The following DET1 variants were observed in gnomAD, a reference collection of about 807,000 sequenced individuals.
DET1 encodes DET1 partner of COP1 E3 ubiquitin ligase.
Under a neutral mutation model 43.7 loss-of-function variants are expected in DET1, and 22 were observed. The ratio of observed to expected loss-of-function variants is 0.50; its 90% CI spans 0.36 to 0.72. DET1 has a LOEUF of 0.72. Among genes scored for constraint, DET1 ranks in the 30% least tolerant of loss-of-function variants. The pLI, the probability that DET1 is intolerant of heterozygous loss-of-function variation, is 0.00. For synonymous variants in DET1, 315 were observed against 266.2 expected, an observed-to-expected ratio of 1.18 and a Z score of -1.79; for missense variants, 713 against 713.3, an observed-to-expected ratio of 1.00 and a Z score of 0.00.
intron 1 of DET1, chr15:88,536,311 C>G (rs377689630): frequency 1.3e-6 from 1 of 778,018 alleles, no homozygotes; most frequent in Non-Finnish European, 2.4e-6. Flanking sequence ...AAGTTGTTTA[C>G]CTTTTTAGTA....
At chr15:88,538,487 C>CA (rs1346817124) in intron 1 of DET1, among the ~76,000 whole-genome samples, 3 of 151,634 alleles carry the variant, frequency 2.0e-5, no homozygotes, top group Admixed American at 6.6e-5. Flanking sequence ...CTAGACCCCC[C>CA]CTCCCCTTCC....
chr15:88,521,345 G>T (rs913565329), intron 3 of DET1, among the ~76,000 whole-genome samples: 1 of 152,142 alleles, frequency 6.6e-6, no homozygotes, highest in African/African-American at 2.4e-5. Flanking sequence ...AGGAAAACTG[G>T]CAATCTCTTC....
chr15:88,511,583 G>C, downstream of DET1: 2 of 985,254 alleles, frequency 2.0e-6, no homozygotes, highest in East Asian at 1.1e-4. Flanking sequence ...TGTCTCCACT[G>C]TCCCTAGAGA....
At chr15:88,519,672 C>T (rs976954558) in intron 3 of DET1, among the ~76,000 whole-genome samples, 2 of 152,178 alleles carry the variant, frequency 1.3e-5, no homozygotes, top group South Asian at 2.1e-4. Context: ...TGCACACATC[C>T]TCAACAATCT....
intron 2 of DET1, among the ~76,000 whole-genome samples, chr15:88,529,948 G>A (rs988410395): frequency 1.3e-5 from 2 of 152,116 alleles, no homozygotes; most frequent in Non-Finnish European, 2.9e-5. Context: ...TGAAAGAAAG[G>A]CATTCTTCCC....
At chr15:88,541,729 G>C (rs1409669075) in intron 1 of DET1, among the ~76,000 whole-genome samples, 2 of 152,206 alleles carry the variant, frequency 1.3e-5, no homozygotes, top group Admixed American at 6.5e-5. Flanking sequence ...AGTTTGATTA[G>C]AAATCCTCCT....
At position 88,527,758 on chromosome 15, in the gene DET1, A is replaced by G; in HGVS notation, c.1112T>C (p.Val371Ala). 8 of 1,608,286 alleles carry G rather than the reference A, an allele frequency of 5.0e-6. No homozygotes were observed. The highest frequency in any genetic ancestry group is 5.1e-6 in the Non-Finnish European group (6 of 1,176,834). ...AAACACAGCAATCACCTCTGTCGTCACCATATTGTACACCACAAAGAAAGA... is the reference window on the plus strand; with the variant it reads ...AAACACAGCAATCACCTCTGTCGTCGCCATATTGTACACCACAAAGAAAGA... ...QASFFVVYNMVTTEVIAVFEN... is the reference protein window; with the variant it reads ...QASFFVVYNMATTEVIAVFEN... The change falls in exon 3 of 5, where the codon GTG (valine) becomes GCG (alanine). Residue 371 changes from valine to alanine, a missense_variant. By Grantham distance (64) the Val-to-Ala change is moderately conservative. Transcript: ENST00000268148.
chr15:88,507,128 G>A (rs375498512), intron 7 of DET1, among the ~76,000 whole-genome samples: 87 of 152,264 alleles, frequency 5.7e-4, no homozygotes, highest in African/African-American at 1.9e-3. Flanking sequence ...TCAGCTGTTG[G>A]AGTGCCCCAG....
At chr15:88,524,375 G>A (rs1023132092) in intron 3 of DET1, among the ~76,000 whole-genome samples, 25 of 151,834 alleles carry the variant, frequency 1.6e-4, no homozygotes, top group Admixed American at 5.9e-4. Flanking sequence ...CGCCCCGTCC[G>A]GGAGGTGGGG....
chr15:88,530,642 C>T lies in DET1; in HGVS notation c.1064G>A (p.Arg355Gln), dbSNP rs201101298. 1.9e-5 allele frequency: 31 copies of T among 1,608,036 alleles called. No homozygotes were observed. The highest frequency in any genetic ancestry group is 1.2e-4 in the Admixed American group (7 of 59,602). The stretch of plus-strand genomic sequence containing the variant: ...TCATACCTGTGATGGATCTGTGACT[C>T]GCAGTGTTACTACATCCTCACTAGT... ...KYTSEDVVTL[R>Q]VTDPSQASFF... is the part of the protein sequence containing the mutation. The change falls in exon 2 of 5, where the codon CGA becomes CAA. Residue 355 changes from arginine to glutamine, a missense_variant. Transcript: ENST00000268148.
intron 3 of DET1, among the ~76,000 whole-genome samples, chr15:88,522,673 T>C (rs180891750): frequency 6.6e-6 from 1 of 151,574 alleles, no homozygotes; most frequent in Non-Finnish European, 1.5e-5. Context: ...CACACACGGC[T>C]AATTTTTTTT....
chr15:88,517,028 T>A, intron 3 of DET1, 55 bp from the exon 4 acceptor site: 2 of 1,339,750 alleles, frequency 1.5e-6, no homozygotes, highest in Middle Eastern at 3.6e-4. Context: ...AAAGCTGTCT[T>A]GAATTTTAAA....
intron 2 of DET1, among the ~76,000 whole-genome samples, chr15:88,528,474 G>A (rs1029892181): frequency 2.6e-5 from 4 of 152,216 alleles, no homozygotes; most frequent in Non-Finnish European, 5.9e-5. Flanking sequence ...TCAGCCAAGA[G>A]CATTTGTAAA....
chr15:88,542,331 C>A (rs181274821), intron 1 of DET1, among the ~76,000 whole-genome samples: 1 of 152,086 alleles, frequency 6.6e-6, no homozygotes, highest in African/African-American at 2.4e-5. Flanking sequence ...GAGCCTTGGA[C>A]GATTTTCACT....
rs548274685 is a variant in DET1 at position 88,512,761 on chromosome 15, G to C, written c.*190C>G. On this transcript the variant is annotated 3_prime_UTR_variant, in exon 5 of 5. Transcript: ENST00000268148. ...GAGGATATTATAACAATCAGTAGCA[G>C]TATTGTATACAATTTAAAAATTCCA... The C allele has an allele frequency of 1.5e-6, 2 of 1,360,230 alleles. No homozygotes were observed. The highest frequency in any genetic ancestry group is 1.9e-6 in the Non-Finnish European group (2 of 1,058,978). The allele number at this position is 1,360,230 out of a possible 1,614,324, so 84.3% of individuals were successfully genotyped here. A position where few individuals can be genotyped will look rare whatever the true frequency, so the allele number is the denominator to read the frequency against.
chr15:88,509,682 G>A (rs1002166445), downstream of DET1, among the ~76,000 whole-genome samples: 2 of 152,194 alleles, frequency 1.3e-5, no homozygotes, highest in South Asian at 2.1e-4. Flanking sequence ...CCCAGCAAAG[G>A]CTAGTGGTCC....
At chr15:88,503,993 T>TCC in intron 7 of DET1, 1 of 149,680 alleles carries the variant, frequency 6.7e-6, no homozygotes, top group South Asian at 2.1e-4. Context: ...AGACCCTGTC[T>TCC]TAAAAAAAAA....
At chr15:88,542,904 G>C (rs1244043424) in intron 1 of DET1, among the ~76,000 whole-genome samples, 1 of 152,132 alleles carries the variant, frequency 6.6e-6, no homozygotes, top group African/African-American at 2.4e-5. Context: ...CACAAGAAAA[G>C]TCAGAAAACA....
chr15:88,520,133 T>C (rs528037392), intron 3 of DET1, among the ~76,000 whole-genome samples: 15 of 152,184 alleles, frequency 9.9e-5, no homozygotes, highest in Non-Finnish European at 1.9e-4. Context: ...TCTTCCACTT[T>C]CCTAAACTGT....
Sources: allele counts gnomAD v4.1 joint callset (sites outside exome capture counted in the v4.1 genomes callset), GRCh38; gene constraint gnomAD v4.1.1; transcripts MANE v1.5; gene names NCBI Gene and HGNC (gene_info 2026-07-23, HGNC 2026-07-21).